Variants in LYPLAL1 observed in about 807,000 individuals in gnomAD.
LYPLAL1 encodes lysophospholipase like 1.
In LYPLAL1, 23 loss-of-function variants were observed where a neutral mutation model predicts 19.7. That is an observed-to-expected ratio of 1.17 (90% CI 0.84 to 1.65). LYPLAL1 has a LOEUF of 1.65. LYPLAL1 is among the 40% of genes most tolerant of loss of function. The pLI is 0.00. For synonymous variants in LYPLAL1, 119 were observed against 96.3 expected, an observed-to-expected ratio of 1.24 and a Z score of -1.38; for missense variants, 355 against 279.4, an observed-to-expected ratio of 1.27 and a Z score of -1.93.
At chr1:219,404,612 G>C in the LYPLAL1 span, among the ~76,000 whole-genome samples, 1 of 152,154 alleles carries the variant, frequency 6.6e-6, no homozygotes, top group South Asian at 2.1e-4. Flanking sequence ...CAAAAAAAGG[G>C]ACACCAAAGC....
At chr1:219,405,305 T>C in the LYPLAL1 span, among the ~76,000 whole-genome samples, 1 of 152,178 alleles carries the variant, frequency 6.6e-6, no homozygotes, top group Non-Finnish European at 1.5e-5. Context: ...CCCTTGGGGA[T>C]TAAAATGTGT....
At chr1:219,388,798 G>A in the LYPLAL1 span, among the ~76,000 whole-genome samples, 1 of 152,186 alleles carries the variant, frequency 6.6e-6, no homozygotes, top group South Asian at 2.1e-4. Context: ...TTATAGAGAT[G>A]TATTGACAAA....
At chr1:219,409,470 A>AT in the LYPLAL1 span, 1 of 152,334 alleles carries the variant, frequency 6.6e-6, no homozygotes, top group Admixed American at 6.5e-5. Context: ...ACACACACAA[A>AT]TTTTATTATA....
the LYPLAL1 span, among the ~76,000 whole-genome samples, chr1:219,377,747 A>T: frequency 5.8e-3 from 885 of 152,312 alleles, 12 homozygotes; most frequent in African/African-American, 0.021. Context: ...AAGAAACTGC[A>T]AAGTTAAAAT....
chr1:219,375,435 G>C, the LYPLAL1 span, among the ~76,000 whole-genome samples: 4 of 141,606 alleles, frequency 2.8e-5, no homozygotes, highest in African/African-American at 7.9e-5. Flanking sequence ...CACTGCACTC[G>C]AGCCAGGATC....
At chr1:219,305,223 G>A in the LYPLAL1 span, among the ~76,000 whole-genome samples, 2 of 152,120 alleles carry the variant, frequency 1.3e-5, no homozygotes, top group Non-Finnish European at 2.9e-5. Context: ...AAAAATGTTA[G>A]ACTATCTGGA....
At chr1:219,264,492 T>C in the LYPLAL1 span, among the ~76,000 whole-genome samples, 18 of 152,236 alleles carry the variant, frequency 1.2e-4, no homozygotes, top group African/African-American at 4.3e-4. Context: ...TCATAGATTT[T>C]CCAAAGTAGA....
the LYPLAL1 span, among the ~76,000 whole-genome samples, chr1:219,295,962 A>T: frequency 2.0e-5 from 3 of 152,172 alleles, no homozygotes; most frequent in Non-Finnish European, 4.4e-5. Flanking sequence ...GCAATATATT[A>T]TGTAGCCTTT....
the LYPLAL1 span, among the ~76,000 whole-genome samples, chr1:219,244,299 C>T: frequency 6.6e-6 from 1 of 152,004 alleles, no homozygotes; most frequent in South Asian, 2.1e-4. Context: ...TGAAGGAAAG[C>T]CAGGTAGGGC....
chr1:219,437,156 ACTT>A, the LYPLAL1 span: 1 of 152,216 alleles, frequency 6.6e-6, no homozygotes, highest in Non-Finnish European at 1.5e-5. Context: ...GCTTCTCAGT[ACTT>A]CTCTCTGGAA....
At chr1:219,273,732 A>G in the LYPLAL1 span, among the ~76,000 whole-genome samples, 1 of 151,092 alleles carries the variant, frequency 6.6e-6, no homozygotes, top group Non-Finnish European at 1.5e-5. Context: ...TCTTTCTGTG[A>G]CTCCTACAGT....
the LYPLAL1 span, among the ~76,000 whole-genome samples, chr1:219,335,964 A>T: frequency 6.6e-6 from 1 of 151,366 alleles, no homozygotes; most frequent in East Asian, 2.0e-4. Flanking sequence ...GTGATGCCTG[A>T]TTATCACATT....
chr1:219,187,645 T>A (rs542819335), intron 2 of LYPLAL1, among the ~76,000 whole-genome samples: 17 of 151,900 alleles, frequency 1.1e-4, no homozygotes, highest in Admixed American at 9.9e-4. Flanking sequence ...TACTTTTAGA[T>A]TCACTGTTTT....
At chr1:219,380,834 GC>G in the LYPLAL1 span, among the ~76,000 whole-genome samples, 1 of 152,114 alleles carries the variant, frequency 6.6e-6, no homozygotes, top group East Asian at 1.9e-4. Flanking sequence ...CAAATACTCG[GC>G]CCTGTTGGTC....
the LYPLAL1 span, among the ~76,000 whole-genome samples, chr1:219,330,766 C>T: frequency 6.6e-6 from 1 of 152,308 alleles, no homozygotes; most frequent in South Asian, 2.1e-4. Context: ...ATGTTTGTCT[C>T]ATAAAAGCTG....
the LYPLAL1 span, among the ~76,000 whole-genome samples, chr1:219,376,309 T>G: frequency 2.0e-3 from 302 of 152,326 alleles, 2 homozygotes; most frequent in African/African-American, 6.7e-3. Context: ...TGAACCTTTA[T>G]CTTACATCAT....
the LYPLAL1 span, among the ~76,000 whole-genome samples, chr1:219,400,136 G>A: frequency 6.6e-6 from 1 of 152,098 alleles, no homozygotes; most frequent in Admixed American, 6.6e-5. Context: ...GTCGTGCGGG[G>A]TTCCCAGCTT....
At chr1:219,326,772 A>G in the LYPLAL1 span, among the ~76,000 whole-genome samples, 1 of 152,196 alleles carries the variant, frequency 6.6e-6, no homozygotes, top group African/African-American at 2.4e-5. Flanking sequence ...TAAGCCTCTC[A>G]TTCCATGTCT....
At chr1:219,426,598 G>A in the LYPLAL1 span, among the ~76,000 whole-genome samples, 1 of 151,316 alleles carries the variant, frequency 6.6e-6, no homozygotes, top group African/African-American at 2.4e-5. Flanking sequence ...CATCAGGTAG[G>A]TACTTTTTTT....
Sources: allele counts gnomAD v4.1 joint callset (sites outside exome capture counted in the v4.1 genomes callset), GRCh38; gene constraint gnomAD v4.1.1; transcripts MANE v1.5; gene names NCBI Gene and HGNC (gene_info 2026-07-23, HGNC 2026-07-21).